ENTREP1: variants seen among roughly 807,000 people sequenced by gnomAD.
The protein encoded by ENTREP1 is endosomal transmembrane epsin interactor 1.
chr9:69,377,652 A>G, the ENTREP1 span: 1 of 1,613,948 alleles, frequency 6.2e-7, no homozygotes, highest in Admixed American at 1.7e-5. Flanking sequence ...AGGATCATGG[A>G]CGCATCCCCG....
the ENTREP1 span, among the ~76,000 whole-genome samples, chr9:69,340,813 A>ATG: frequency 2.8e-4 from 40 of 140,550 alleles, no homozygotes; most frequent in East Asian, 2.3e-3. Context: ...GTGTGTGTGT[A>ATG]TGTGTGTGTG....
At chr9:69,375,034 T>C in the ENTREP1 span, among the ~76,000 whole-genome samples, 1 of 152,226 alleles carries the variant, frequency 6.6e-6, no homozygotes, top group African/African-American at 2.4e-5. Flanking sequence ...ATTTGTATAA[T>C]GAGTAAACTT....
At chr9:69,360,994 T>A in the ENTREP1 span, among the ~76,000 whole-genome samples, 48,568 of 152,078 alleles carry the variant, frequency 0.32, 9,129 homozygotes, top group Admixed American at 0.4. Context: ...CTCTCAAAAT[T>A]TTGAAGGCAT....
chr9:69,328,696 T>A, the ENTREP1 span, among the ~76,000 whole-genome samples: 2 of 152,136 alleles, frequency 1.3e-5, no homozygotes, highest in Non-Finnish European at 2.9e-5. Flanking sequence ...AGTTGAGAAC[T>A]GCAGAATTAA....
chr9:69,379,520 T>G, the ENTREP1 span: 2 of 152,256 alleles, frequency 1.3e-5, no homozygotes, highest in African/African-American at 4.8e-5. Context: ...TTCCTTAATC[T>G]TTCAGGAAAT....
chr9:69,368,874 G>A, the ENTREP1 span, among the ~76,000 whole-genome samples: 52 of 151,964 alleles, frequency 3.4e-4, no homozygotes, highest in South Asian at 8.3e-4. Context: ...TGGGATACAT[G>A]TGCAGAACGT....
At chr9:69,334,950 G>A in the ENTREP1 span, among the ~76,000 whole-genome samples, 3 of 152,090 alleles carry the variant, frequency 2.0e-5, no homozygotes, top group South Asian at 4.2e-4. Context: ...AGTGGAGATG[G>A]GGTTTCACCA....
the ENTREP1 span, chr9:69,324,998 C>T: frequency 1.2e-4 from 118 of 985,344 alleles, no homozygotes; most frequent in African/African-American, 2.0e-3. Flanking sequence ...GCAGGTTCGG[C>T]GGGGACCCTG....
the ENTREP1 span, among the ~76,000 whole-genome samples, chr9:69,336,511 T>C: frequency 6.6e-6 from 1 of 152,172 alleles, no homozygotes; most frequent in Non-Finnish European, 1.5e-5. Context: ...AGTTCTAGCA[T>C]TAAACCCATC....
At chr9:69,361,100 GA>G in the ENTREP1 span, among the ~76,000 whole-genome samples, 66,031 of 151,820 alleles carry the variant, frequency 0.43, 14,807 homozygotes, top group African/African-American at 0.55. Context: ...TCAGAAAAAG[GA>G]ATCAGGAGTT....
the ENTREP1 span, among the ~76,000 whole-genome samples, chr9:69,352,273 C>A: frequency 2.0e-5 from 3 of 152,104 alleles, no homozygotes; most frequent in African/African-American, 7.2e-5. Context: ...CTTGGGCCAC[C>A]ACACCCGGCT....
chr9:69,355,565 C>T, the ENTREP1 span, among the ~76,000 whole-genome samples: 3 of 152,184 alleles, frequency 2.0e-5, no homozygotes, highest in Admixed American at 1.3e-4. Context: ...AAGGGTCAGG[C>T]ACTCCAATTA....
At chr9:69,325,079 A>G in the ENTREP1 span, 2 of 985,228 alleles carry the variant, frequency 2.0e-6, no homozygotes, top group African/African-American at 3.5e-5. Context: ...GGGTGCGCCC[A>G]GGGCCAGCGG....
At chr9:69,380,324 T>C in the ENTREP1 span, 1 of 152,266 alleles carries the variant, frequency 6.6e-6, no homozygotes, top group African/African-American at 2.4e-5. Context: ...AAATCAACTT[T>C]ATAGACACTC....
the ENTREP1 span, among the ~76,000 whole-genome samples, chr9:69,367,790 C>T: frequency 2.6e-5 from 3 of 113,658 alleles, no homozygotes; most frequent in African/African-American, 6.4e-5. Context: ...TATATACACA[C>T]ATATATATAA....
At chr9:69,343,547 C>T in the ENTREP1 span, among the ~76,000 whole-genome samples, 1 of 152,240 alleles carries the variant, frequency 6.6e-6, no homozygotes, top group African/African-American at 2.4e-5. Flanking sequence ...CTCAGGTGAT[C>T]CTCCCACCTC....
At chr9:69,360,711 C>T in the ENTREP1 span, among the ~76,000 whole-genome samples, 1 of 152,128 alleles carries the variant, frequency 6.6e-6, no homozygotes, top group Non-Finnish European at 1.5e-5. Flanking sequence ...TTACTATCAT[C>T]TTTATCATCC....
the ENTREP1 span, chr9:69,392,128 A>C: frequency 2.8e-6 from 1 of 352,442 alleles, no homozygotes; most frequent in Non-Finnish European, 5.3e-6. Flanking sequence ...TGCCCACTTC[A>C]CCCCTCGTGT....
chr9:69,383,992 C>T, the ENTREP1 span: 5 of 1,613,402 alleles, frequency 3.1e-6, no homozygotes, highest in Non-Finnish European at 4.2e-6. Context: ...TGCTGTGATC[C>T]CATTGGATCT....
Sources: allele counts gnomAD v4.1 joint callset (sites outside exome capture counted in the v4.1 genomes callset), GRCh38; gene constraint gnomAD v4.1.1; transcripts MANE v1.5; gene names NCBI Gene and HGNC (gene_info 2026-07-23, HGNC 2026-07-21).